SAMD5: variants seen among roughly 807,000 people sequenced by gnomAD.
SAMD5 encodes sterile alpha motif domain-containing protein 5.
A neutral mutation model predicts 11.3 loss-of-function variants in SAMD5; 13 were observed. The observed-to-expected ratio is 1.15, with a 90% confidence interval of 0.75 to 1.83. SAMD5 has a LOEUF of 1.83. Ranked by LOEUF, SAMD5 falls within the 40% of genes most tolerant of loss-of-function variation. SAMD5 has a pLI of 0.00. For synonymous variants in SAMD5, 129 were observed against 111.3 expected (o/e 1.16, Z -1.00); for missense variants, 255 against 239.1 (o/e 1.07, Z -0.44).
At position 147,564,692 on chromosome 6, in the gene SAMD5, T is replaced by A; in HGVS notation, c.*236T>A. On this transcript the variant is annotated 3_prime_UTR_variant, in exon 2 of 2. Coordinates refer to ENST00000367474, the MANE Select transcript of SAMD5 (RefSeq NM_001030060.3). ...CGCATAAAGAAGTATTGAGTTCATTTTTTTAAGAAGATATCATGATGAGAT... is the reference window on the plus strand; with the variant it reads ...CGCATAAAGAAGTATTGAGTTCATTATTTTAAGAAGATATCATGATGAGAT... 8.1e-7 allele frequency: 1 copy of A among 1,234,480 alleles called. No individual in the cohort carries two copies. The highest frequency in any genetic ancestry group is 1.0e-6 in the Non-Finnish European group (1 of 983,824). 76.5% of individuals were successfully genotyped at this position (1,234,480 alleles called of 1,614,324 possible). A position where few individuals can be genotyped will look rare whatever the true frequency, so the allele number is the denominator to read the frequency against.
chr6:147,744,901 A>G, the SAMD5 span, among the ~76,000 whole-genome samples: 3 of 150,618 alleles, frequency 2.0e-5, no homozygotes, highest in South Asian at 6.3e-4. Flanking sequence ...CTGTCTCACA[A>G]TAAATAAATA....
At position 147,710,999 on chromosome 6, in the gene SAMD5, G is replaced by A. The variant is rs557438889; in HGVS notation, c.163-26318G>A. Among the ~76,000 whole-genome samples the A allele has an allele frequency of 3.4e-5, 5 of 147,646 alleles. 1 individual carries two copies. The East Asian group carries it at 1.0e-3, about 30-fold the overall frequency. ...AGGTGGGGAGGAGGGAGGGAGGGAA[G>A]GAAAATAAAGGAAGGAAGGAAATAA... On this transcript the variant is annotated intron_variant, in intron 1 of 1. Coordinates refer to the SAMD5 transcript ENST00000566741.
At chr6:147,643,064 G>A (rs117486308) in intron 1 of SAMD5, among the ~76,000 whole-genome samples, 1,840 of 152,226 alleles carry the variant, frequency 0.012, 23 homozygotes, top group Non-Finnish European at 0.021. Context: ...ATCCTGGTGA[G>A]GAATACTTCA....
the SAMD5 span, among the ~76,000 whole-genome samples, chr6:147,927,981 C>T: frequency 2.8e-4 from 42 of 152,176 alleles, no homozygotes; most frequent in East Asian, 7.7e-4. Context: ...TTAATTTGTG[C>T]GTGTTAAACC....
chr6:147,805,095 C>T, the SAMD5 span, among the ~76,000 whole-genome samples: 1 of 152,180 alleles, frequency 6.6e-6, no homozygotes, highest in Admixed American at 6.5e-5. Flanking sequence ...TTCTTTTATC[C>T]TCTTCAAATG....
chr6:147,937,116 A>G, the SAMD5 span, among the ~76,000 whole-genome samples: 4 of 152,206 alleles, frequency 2.6e-5, no homozygotes, highest in African/African-American at 9.6e-5. Flanking sequence ...CAACTGAGAT[A>G]ATACCACCAA....
At chr6:147,835,574 G>A in the SAMD5 span, among the ~76,000 whole-genome samples, 1 of 152,094 alleles carries the variant, frequency 6.6e-6, no homozygotes, top group Non-Finnish European at 1.5e-5. Flanking sequence ...TAGTGGCTTG[G>A]CTTTGCACTT....
At chr6:147,540,135 T>C (rs1420683282) in intron 1 of SAMD5, among the ~76,000 whole-genome samples, 2 of 152,058 alleles carry the variant, frequency 1.3e-5, no homozygotes, top group Non-Finnish European at 2.9e-5. Context: ...CCAGGGTAGT[T>C]TAGAGAAAGG....
At chr6:147,668,801 C>T (rs116485864) in intron 1 of SAMD5, among the ~76,000 whole-genome samples, 1,930 of 151,890 alleles carry the variant, frequency 0.013, 48 homozygotes, top group African/African-American at 0.045. Flanking sequence ...CCAACATCGC[C>T]TGGGAGATGG....
At chr6:147,634,279 A>C (rs1790192544) in intron 1 of SAMD5, among the ~76,000 whole-genome samples, 1 of 152,358 alleles carries the variant, frequency 6.6e-6, no homozygotes, top group Middle Eastern at 3.4e-3. Flanking sequence ...TCATGGCAGA[A>C]GGTGAAGAGG....
chr6:147,572,542 C>T (rs959045211), downstream of SAMD5, among the ~76,000 whole-genome samples: 3 of 152,096 alleles, frequency 2.0e-5, no homozygotes, highest in South Asian at 4.1e-4. Context: ...GTGGTATGAT[C>T]GTGGCTCACT....
chr6:147,939,454 C>T, the SAMD5 span, among the ~76,000 whole-genome samples: 15,361 of 152,150 alleles, frequency 0.1, 1,058 homozygotes, highest in South Asian at 0.29. Flanking sequence ...CTCACTTTAT[C>T]TAGGGACCAA....
chr6:147,547,528 A>G (rs748500128), intron 1 of SAMD5, among the ~76,000 whole-genome samples: 20 of 152,330 alleles, frequency 1.3e-4, no homozygotes, highest in South Asian at 8.3e-4. Context: ...GGCGCCTTCC[A>G]TCTTCAAACC....
chr6:147,938,502 T>G, the SAMD5 span, among the ~76,000 whole-genome samples: 1 of 152,200 alleles, frequency 6.6e-6, no homozygotes, highest in Non-Finnish European at 1.5e-5. Context: ...AATTGCCATG[T>G]GATGTGATAA....
At chr6:147,883,715 A>G in the SAMD5 span, among the ~76,000 whole-genome samples, 1 of 152,222 alleles carries the variant, frequency 6.6e-6, no homozygotes, top group African/African-American at 2.4e-5. Flanking sequence ...GTTTATTGAC[A>G]GTGAAAAGGA....
chr6:147,658,804 A>G (rs1263459051), intron 1 of SAMD5, among the ~76,000 whole-genome samples: 1 of 152,158 alleles, frequency 6.6e-6, no homozygotes, highest in African/African-American at 2.4e-5. Context: ...TTGGCTTTAT[A>G]CTAATGATGG....
intron 1 of SAMD5, among the ~76,000 whole-genome samples, chr6:147,736,308 A>G (rs1477244733): frequency 6.6e-6 from 1 of 152,240 alleles, no homozygotes; most frequent in Non-Finnish European, 1.5e-5. Context: ...TGTAATTAGT[A>G]GTATAATGAT....
the SAMD5 span, among the ~76,000 whole-genome samples, chr6:147,790,502 T>C: frequency 6.6e-6 from 1 of 152,210 alleles, no homozygotes; most frequent in Non-Finnish European, 1.5e-5. Flanking sequence ...TTTAAAAAGA[T>C]GTGTATGATT....
At chr6:147,766,118 C>T in the SAMD5 span, among the ~76,000 whole-genome samples, 1 of 122,064 alleles carries the variant, frequency 8.2e-6, no homozygotes, top group African/African-American at 2.9e-5. Context: ...AAAAAAAACA[C>T]AAAAAAAGAA....
Sources: gnomAD v4.1 joint callset for allele counts (sites outside exome capture counted in the v4.1 genomes callset) on GRCh38, gnomAD v4.1.1 for gene constraint, MANE v1.5 for transcripts, NCBI Gene and HGNC (gene_info 2026-07-23, HGNC 2026-07-21) for gene names.